BAIAP2: variants seen among roughly 807,000 people sequenced by gnomAD.
The protein encoded by BAIAP2 is BAR/IMD domain-containing adapter protein 2.
Under a neutral mutation model 63.0 loss-of-function variants are expected in BAIAP2, and 18 were observed. The observed-to-expected ratio is 0.29, with a 90% CI of 0.20 to 0.42. The LOEUF is 0.42. Among genes scored for constraint, BAIAP2 ranks in the 10% least tolerant of loss-of-function variants. The pLI, the probability that BAIAP2 is intolerant of heterozygous loss-of-function variation, is 1.00. For synonymous variants in BAIAP2, 386 were observed against 307.6 expected (o/e 1.25, Z -2.67); for missense variants, 610 against 734.3 (o/e 0.83, Z 1.96).
At chr17:81,037,210 T>C (rs2046398071) in intron 1 of BAIAP2, among the ~76,000 whole-genome samples, 1 of 152,038 alleles carries the variant, frequency 6.6e-6, no homozygotes, top group Non-Finnish European at 1.5e-5. Flanking sequence ...CACGGGTGGG[T>C]TAATTGGTGA....
At chr17:81,042,639 G>T (rs540131258) in intron 1 of BAIAP2, among the ~76,000 whole-genome samples, 182 of 152,238 alleles carry the variant, frequency 1.2e-3, no homozygotes, top group Non-Finnish European at 2.1e-3. Context: ...AGTGGGAGTC[G>T]CAGGACGTGA....
chr17:81,042,866 G>C (rs912737247), intron 1 of BAIAP2, among the ~76,000 whole-genome samples: 3 of 149,000 alleles, frequency 2.0e-5, no homozygotes, highest in Admixed American at 6.6e-5. Flanking sequence ...TTCCAGGCGG[G>C]GCTTTTATTT....
At chr17:81,086,864 T>G in intron 6 of BAIAP2, 2 of 358,536 alleles carry the variant, frequency 5.6e-6, no homozygotes, top group Non-Finnish European at 1.0e-5. Flanking sequence ...CTCCCCTCTG[T>G]TCTCCCCATC....
intron 3 of BAIAP2, among the ~76,000 whole-genome samples, chr17:81,066,181 T>G (rs868438192): frequency 4.6e-5 from 7 of 152,236 alleles, no homozygotes; most frequent in African/African-American, 7.2e-5. Context: ...GTGTACCCGC[T>G]GGTGCCCACA....
chr17:81,041,661 G>C (rs545685533), intron 1 of BAIAP2, among the ~76,000 whole-genome samples: 1 of 152,120 alleles, frequency 6.6e-6, no homozygotes, highest in Non-Finnish European at 1.5e-5. Flanking sequence ...TGCAACCTCC[G>C]CCTCCCGGGT....
At chr17:81,113,277 G>A (rs2060121888) in intron 13 of BAIAP2, among the ~76,000 whole-genome samples, 1 of 152,214 alleles carries the variant, frequency 6.6e-6, no homozygotes, top group African/African-American at 2.4e-5. Flanking sequence ...GCTGGCTGGA[G>A]AGGTGCTGGT....
rs1598565235 is a variant in BAIAP2, at chr17:81,057,815, G to A, written c.131-66G>A. 5.8e-6 allele frequency: 9 copies of A among 1,560,494 alleles called. No homozygotes were observed. The East Asian group carries it at 2.1e-4, about 36-fold the overall frequency. On this transcript the variant is annotated intron_variant, in intron 2 of 13. Transcript: ENST00000428708. The stretch of plus-strand genomic sequence containing the variant: ...GGCCTGTGCGTGCCAAGACTGCCGT[G>A]TTTTTGCTGGGGGTCTTGTCTGTCC...
At chr17:81,083,890 CCT>C (rs2055084937) in intron 3 of BAIAP2, 1 of 152,304 alleles carries the variant, frequency 6.6e-6, no homozygotes, top group Admixed American at 6.5e-5. Flanking sequence ...TCTCTGTGCC[CCT>C]CTCTTTGGTG....
At chr17:81,070,851 A>G (rs2052500477) in intron 3 of BAIAP2, among the ~76,000 whole-genome samples, 3 of 152,210 alleles carry the variant, frequency 2.0e-5, no homozygotes, top group Admixed American at 1.3e-4. Context: ...CCTTGATCCC[A>G]GCGTGATGGT....
At chr17:81,043,338 G>C (rs968076831) in intron 1 of BAIAP2, among the ~76,000 whole-genome samples, 1 of 152,188 alleles carries the variant, frequency 6.6e-6, no homozygotes, top group African/African-American at 2.4e-5. Flanking sequence ...CGGAAAGCCC[G>C]TCCTCACGCA....
At chr17:81,104,785 A>G in intron 10 of BAIAP2, 70 bp downstream of exon 10, 1 of 1,434,916 alleles carries the variant, frequency 7.0e-7, no homozygotes, top group South Asian at 1.3e-5. Context: ...AGCGACACTC[A>G]AGTGCACTGA....
At chr17:81,115,723 C>T in intron 13 of BAIAP2, 47 bp from the exon 14 acceptor site, 1 of 1,611,518 alleles carries the variant, frequency 6.2e-7, no homozygotes. Flanking sequence ...GCACAATTCA[C>T]CCATGGCTTC....
In BAIAP2 at chr17:81,067,939, A is replaced by G. The variant is rs562268304; in HGVS notation, c.217+9972A>G. On this transcript the variant is annotated intron_variant, in intron 3 of 13. Coordinates refer to ENST00000428708, the MANE Select transcript of BAIAP2 (RefSeq NM_001144888.2). ...GAGGAGCCGCTCAGCCTTCCTCCTCAAGCCAGGAGCTGCTGAGGTGCTGGC... is the reference window on the plus strand; with the variant it reads ...GAGGAGCCGCTCAGCCTTCCTCCTCGAGCCAGGAGCTGCTGAGGTGCTGGC... Among the ~76,000 whole-genome samples the G allele has an allele frequency of 1.3e-4, 20 of 152,294 alleles. No individual in the cohort carries two copies. The East Asian group carries it at 3.9e-3, about 29-fold the overall frequency.
At chr17:81,106,653 A>G in intron 11 of BAIAP2, 92 bp from the exon 12 acceptor site, 1 of 1,472,284 alleles carries the variant, frequency 6.8e-7, no homozygotes, top group Non-Finnish European at 9.4e-7. Context: ...GGCGTGGGCT[A>G]GGTGAGGGCG....
chr17:81,077,237 C>T (rs2053812766), intron 3 of BAIAP2, among the ~76,000 whole-genome samples: 1 of 152,126 alleles, frequency 6.6e-6, no homozygotes, highest in African/African-American at 2.4e-5. Flanking sequence ...GCTGACGATG[C>T]CACAGTTGTG....
At chr17:81,045,090 G>C (rs1210882533) in intron 1 of BAIAP2, among the ~76,000 whole-genome samples, 3 of 152,234 alleles carry the variant, frequency 2.0e-5, no homozygotes, top group African/African-American at 7.2e-5. Flanking sequence ...GGCTCCTCCT[G>C]CGTGGGCCGG....
chr17:81,079,822 G>C (rs926094928), intron 3 of BAIAP2, among the ~76,000 whole-genome samples: 2 of 152,172 alleles, frequency 1.3e-5, no homozygotes, highest in African/African-American at 4.8e-5. Flanking sequence ...GACCAGACGT[G>C]GGCCTCCCAG....
chr17:81,079,096 G>GC, intron 3 of BAIAP2, among the ~76,000 whole-genome samples: 1 of 152,290 alleles, frequency 6.6e-6, no homozygotes, highest in Admixed American at 6.5e-5. Flanking sequence ...CAGGTGCTGC[G>GC]CCCAAGCAGA....
intron 12 of BAIAP2, 144 bp from the exon 13 acceptor site, chr17:81,108,331 G>T: frequency 1.2e-6 from 1 of 845,996 alleles, no homozygotes. Flanking sequence ...GAGTGCTGCA[G>T]CCAGGAGATG....
Sources: allele counts gnomAD v4.1 joint callset (sites outside exome capture counted in the v4.1 genomes callset), GRCh38; gene constraint gnomAD v4.1.1; transcripts MANE v1.5; gene names NCBI Gene and HGNC (gene_info 2026-07-23, HGNC 2026-07-21).